TRIM9: variants seen among roughly 807,000 people sequenced by gnomAD.
TRIM9 encodes the protein tripartite motif containing 9.
In TRIM9, 26 loss-of-function variants were observed where a neutral mutation model predicts 78.3. The ratio of observed to expected loss-of-function variants is 0.33; its 90% CI spans 0.24 to 0.46. TRIM9 has a LOEUF of 0.46. TRIM9 is among the 20% of genes least tolerant of loss of function. The pLI is 1.00. For synonymous variants in TRIM9, 398 were observed against 416.5 expected (o/e 0.96, Z 0.54); for missense variants, 787 against 1,036.4 (o/e 0.76, Z 3.30).
intron 1 of TRIM9, 49 bp downstream of exon 1, chr14:51,094,069 G>T: frequency 1.9e-6 from 3 of 1,552,762 alleles, no homozygotes; most frequent in South Asian, 1.2e-5. Flanking sequence ...CTGCAAAACC[G>T]GATGATCGGA....
chr14:51,027,132 CTTTTTTTTTTTTTTTTTT>C (rs566767264), intron 1 of TRIM9, among the ~76,000 whole-genome samples: 1 of 85,726 alleles, frequency 1.2e-5, no homozygotes, highest in Non-Finnish European at 2.2e-5. Flanking sequence ...TGGCTGTTAA[CTTTTTTTTTTTTTTTTTT>C]TTTTTTTTTT....
At chr14:51,079,337 C>T (rs1411791030) in intron 1 of TRIM9, among the ~76,000 whole-genome samples, 1 of 152,206 alleles carries the variant, frequency 6.6e-6, no homozygotes, top group Non-Finnish European at 1.5e-5. Context: ...CACTCCTTCC[C>T]TGTTTTACAG....
rs2052220351 is a variant in TRIM9 at position 50,983,253 on chromosome 14, A to G, written c.1834+127T>C. The G allele has an allele frequency of 3.7e-6, 3 of 802,060 alleles. No individual in the cohort carries two copies. In the South Asian group the frequency reaches 6.2e-5, roughly 17 times the overall value. The allele number at this position is 802,060 out of a possible 1,614,324, so 49.7% of individuals were successfully genotyped here. ...TTTTTTAAGAGTTTGAGAAACTGCT[A>G]TAATAGGGTTAGAATGACAATTAGA... On this transcript the variant is annotated intron_variant, in intron 9 of 12. Coordinates refer to ENST00000684578, the MANE Select transcript of TRIM9 (RefSeq NM_001387360.1).
intron 1 of TRIM9, among the ~76,000 whole-genome samples, chr14:51,054,418 G>A (rs1254486818): frequency 6.7e-6 from 1 of 148,728 alleles, no homozygotes; most frequent in East Asian, 2.0e-4. Context: ...GACTACAGGC[G>A]TAGGCCACCA....
At chr14:51,030,889 G>A (rs2058667402) in intron 1 of TRIM9, among the ~76,000 whole-genome samples, 2 of 152,066 alleles carry the variant, frequency 1.3e-5, no homozygotes, top group African/African-American at 4.8e-5. Context: ...GCTCATGCTT[G>A]TAATCCCAGC....
chr14:51,005,977 G>A (rs974191002), intron 5 of TRIM9, among the ~76,000 whole-genome samples: 13 of 152,218 alleles, frequency 8.5e-5, no homozygotes, highest in African/African-American at 2.9e-4. Flanking sequence ...GTGAAAATAC[G>A]TAAAAGCCAA....
chr14:51,027,754 T>A lies in TRIM9; in HGVS notation c.823-2394A>T, dbSNP rs144472537. ...CAAGGGATAAAGGAGGGAAAAACGG[T>A]CTCATTTGGAAGAGCAGGCAATAAT... On this transcript the variant is annotated intron_variant, in intron 1 of 12. Transcript: ENST00000684578. 3.9e-5 allele frequency among the ~76,000 whole-genome samples: 6 copies of A among 152,284 alleles called. No individual in the cohort carries two copies. In the East Asian group the frequency reaches 1.2e-3, roughly 29 times the overall value.
intron 1 of TRIM9, among the ~76,000 whole-genome samples, chr14:51,065,239 G>T (rs997749791): frequency 6.6e-6 from 1 of 152,172 alleles, no homozygotes. Flanking sequence ...CCAGGAAAAT[G>T]AAATCAGCCT....
chr14:50,998,222 C>T (rs1048574336), intron 6 of TRIM9, 34 bp from the exon 7 acceptor site: 8 of 1,606,358 alleles, frequency 5.0e-6, no homozygotes, highest in Non-Finnish European at 2.6e-6. Flanking sequence ...CAGCACTTAG[C>T]CTGCCCCCTT....
Position 51,067,584 on chromosome 14 carries a change from G to A in TRIM9, c.822+26534C>T, listed in dbSNP as rs149159278. Among the ~76,000 whole-genome samples the A allele has an allele frequency of 2.2e-4, 33 of 152,188 alleles. No homozygotes were observed. The East Asian group carries it at 4.4e-3, about 21-fold the overall frequency. ...CATGTCTCCTACCTCCCACTTTGCTGTAGCCCACTGGGCTTCTTTCTGTCC... is the reference window on the plus strand; with the variant it reads ...CATGTCTCCTACCTCCCACTTTGCTATAGCCCACTGGGCTTCTTTCTGTCC... On this transcript the variant is annotated intron_variant, in intron 1 of 12. Transcript: ENST00000684578.
At chr14:51,068,125 T>C (rs2061907943) in intron 1 of TRIM9, among the ~76,000 whole-genome samples, 1 of 152,188 alleles carries the variant, frequency 6.6e-6, no homozygotes, top group Non-Finnish European at 1.5e-5. Context: ...CTCCTAAGAC[T>C]TTGTATTTTT....
chr14:50,997,346 AACCTTGT>A (rs2054342773), intron 7 of TRIM9: 2 of 985,314 alleles, frequency 2.0e-6, no homozygotes, highest in South Asian at 9.4e-5. Context: ...TCTAGAGATG[AACCTTGT>A]ATGGTGGCTC....
intron 1 of TRIM9, among the ~76,000 whole-genome samples, chr14:51,091,910 C>G (rs1372892134): frequency 6.6e-6 from 1 of 152,166 alleles, no homozygotes; most frequent in Non-Finnish European, 1.5e-5. Flanking sequence ...AATGATTTAA[C>G]ATTTCAAATT....
At chr14:50,981,326 T>C (rs1218832093) in intron 11 of TRIM9, among the ~76,000 whole-genome samples, 2 of 152,220 alleles carry the variant, frequency 1.3e-5, no homozygotes, top group Non-Finnish European at 2.9e-5. Flanking sequence ...ATAAGAAGAA[T>C]GGCTACTATT....
intron 3 of TRIM9, among the ~76,000 whole-genome samples, chr14:51,013,823 C>T (rs1477888178): frequency 6.6e-6 from 1 of 152,028 alleles, no homozygotes. Flanking sequence ...GGGAGGAAAA[C>T]CCCACAAGTA....
chr14:51,063,055 A>G (rs989721540), intron 1 of TRIM9, among the ~76,000 whole-genome samples: 1 of 152,216 alleles, frequency 6.6e-6, no homozygotes. Context: ...TGGAATTAGC[A>G]GGGAAAGGCC....
chr14:51,067,905 C>T (rs2061887211), intron 1 of TRIM9, among the ~76,000 whole-genome samples: 1 of 152,108 alleles, frequency 6.6e-6, no homozygotes, highest in African/African-American at 2.4e-5. Context: ...CAGAATTAAG[C>T]CCCAAGACAG....
chr14:51,053,596 T>TTTTTTTTTTTTTTTTTTTTTTTTTTTA (rs2060637244), intron 1 of TRIM9, among the ~76,000 whole-genome samples: 1 of 56,460 alleles, frequency 1.8e-5, no homozygotes, highest in Non-Finnish European at 4.1e-5. Context: ...TTTTTTTTAA[T>TTTTTTTTTTTTTTTTTTTTTTTTTTTA]TTTTTTTTTT....
intron 1 of TRIM9, among the ~76,000 whole-genome samples, chr14:51,074,055 A>T (rs920579925): frequency 1.3e-5 from 2 of 152,156 alleles, no homozygotes; most frequent in African/African-American, 4.8e-5. Flanking sequence ...CTGAATAGCA[A>T]CAGAGACAAA....
Sources: allele counts gnomAD v4.1 joint callset (sites outside exome capture counted in the v4.1 genomes callset), GRCh38; gene constraint gnomAD v4.1.1; transcripts MANE v1.5; gene names NCBI Gene and HGNC (gene_info 2026-07-23, HGNC 2026-07-21).